The following SEMA3A variants were observed in gnomAD, a reference collection of about 807,000 sequenced individuals.
SEMA3A encodes the protein semaphorin 3A, also known as semaphorin-3A.
A neutral mutation model predicts 97.9 loss-of-function variants in SEMA3A; 29 were observed. That is an observed-to-expected ratio of 0.30 (90% CI 0.22 to 0.40). The LOEUF is 0.40. Ranked by LOEUF, SEMA3A falls within the 10% of genes least tolerant of loss-of-function variation. The probability of loss-of-function intolerance (pLI) is 1.00; values close to 1 mark genes in which losing one functional copy is unlikely to be tolerated. For synonymous variants in SEMA3A, 321 were observed against 323.7 expected (o/e 0.99, Z 0.09); for missense variants, 763 against 951.3 (o/e 0.80, Z 2.60).
At chr7:84,359,788 A>G (rs1034587738) in intron 2 of SEMA3A, among the ~76,000 whole-genome samples, 10 of 152,108 alleles carry the variant, frequency 6.6e-5, no homozygotes, top group African/African-American at 2.4e-4. Flanking sequence ...TTGCTTGGTA[A>G]GCTATTAATT....
At chr7:84,118,706 G>T (rs955093707) in intron 3 of SEMA3A, among the ~76,000 whole-genome samples, 2 of 152,176 alleles carry the variant, frequency 1.3e-5, no homozygotes, top group Middle Eastern at 3.2e-3. Context: ...GTCTTAGTTT[G>T]TGATTGTGGG....
At chr7:84,264,564 A>T (rs1054237675) in intron 3 of SEMA3A, among the ~76,000 whole-genome samples, 7 of 152,334 alleles carry the variant, frequency 4.6e-5, no homozygotes, top group African/African-American at 1.7e-4. Context: ...GTTCAGATGA[A>T]ATGCATTCAT....
At position 84,061,229 on chromosome 7, in the gene SEMA3A, C is replaced by T. The variant is rs17158549; in HGVS notation, c.454-671G>A. ...TGGAATAACAAGCACATTATTACCA[C>T]GGGAAAGCCTGCTCTGTTGGGTCCC... On this transcript the variant is annotated intron_variant, in intron 4 of 16. Coordinates refer to ENST00000265362, the MANE Select transcript of SEMA3A (RefSeq NM_006080.3). 5.0e-3 allele frequency among the ~76,000 whole-genome samples: 755 copies of T among 152,232 alleles called. 6 individuals are homozygous for T. Among genetic ancestry groups the T allele is most frequent in the African/African-American group, 0.017 (687 of 41,538 alleles).
rs145129147 is a variant in SEMA3A, at chr7:84,077,855, C to T, written c.454-17297G>A. Among the ~76,000 whole-genome samples the T allele has an allele frequency of 2.7e-3, 409 of 151,902 alleles. 2 individuals carry two copies. The highest frequency in any genetic ancestry group is 9.3e-3 in the African/African-American group (386 of 41,492). Reference sequence around the variant, plus strand: ...GAAAAGAAAAGAAAAAAAATCAAAGCAAGAAGTTCATCATGGTGAACTCAG... The same window carrying T: ...GAAAAGAAAAGAAAAAAAATCAAAGTAAGAAGTTCATCATGGTGAACTCAG... On this transcript the variant is annotated intron_variant, in intron 4 of 16. Transcript: ENST00000265362.
At chr7:84,334,964 C>G (rs528546657) in intron 2 of SEMA3A, among the ~76,000 whole-genome samples, 1 of 152,094 alleles carries the variant, frequency 6.6e-6, no homozygotes, top group African/African-American at 2.4e-5. Flanking sequence ...ATGATTTTAT[C>G]TTGACATTTT....
At chr7:84,323,201 G>A (rs546384522) in intron 2 of SEMA3A, among the ~76,000 whole-genome samples, 35 of 152,238 alleles carry the variant, frequency 2.3e-4, no homozygotes, top group African/African-American at 8.4e-4. Context: ...TCAATAGATT[G>A]ACTTTAATTA....
At chr7:83,975,386 T>G (rs1789101866) in intron 15 of SEMA3A, among the ~76,000 whole-genome samples, 1 of 152,184 alleles carries the variant, frequency 6.6e-6, no homozygotes, top group Non-Finnish European at 1.5e-5. Context: ...AATTGATTAA[T>G]TCATAATGAT....
At chr7:84,139,914 CTATT>C (rs1258106114) in intron 1 of SEMA3A, among the ~76,000 whole-genome samples, 14 of 152,018 alleles carry the variant, frequency 9.2e-5, no homozygotes, top group East Asian at 7.7e-4. Flanking sequence ...AATTTTTATT[CTATT>C]TATTTATCTA....
At chr7:84,488,349 C>CAT (rs1554395582) in intron 1 of SEMA3A, among the ~76,000 whole-genome samples, 82 of 145,550 alleles carry the variant, frequency 5.6e-4, no homozygotes, top group Middle Eastern at 3.6e-3. Context: ...CACACACACA[C>CAT]ATATATATAT....
intron 5 of SEMA3A, among the ~76,000 whole-genome samples, chr7:84,055,311 G>A (rs372345231): frequency 9.2e-5 from 14 of 152,144 alleles, no homozygotes; most frequent in African/African-American, 2.2e-4. Context: ...GCCTCGCTGC[G>A]GCCTTGCAGT....
At chr7:84,081,389 A>T (rs569392551) in intron 4 of SEMA3A, among the ~76,000 whole-genome samples, 1 of 151,990 alleles carries the variant, frequency 6.6e-6, no homozygotes, top group Non-Finnish European at 1.5e-5. Context: ...TCAGGAGATC[A>T]AGACCACCCT....
chr7:84,212,727 G>A (rs1266996328), intron 3 of SEMA3A, among the ~76,000 whole-genome samples: 1 of 152,166 alleles, frequency 6.6e-6, no homozygotes, highest in Non-Finnish European at 1.5e-5. Flanking sequence ...ATGAAACAAT[G>A]TGGTGTGGAA....
chr7:84,099,529 A>G (rs1282936792), intron 4 of SEMA3A, among the ~76,000 whole-genome samples: 1 of 152,144 alleles, frequency 6.6e-6, no homozygotes, highest in South Asian at 2.1e-4. Context: ...TTAATGTTTT[A>G]TGCACAACAT....
At chr7:84,087,322 C>T (rs1794412510) in intron 4 of SEMA3A, among the ~76,000 whole-genome samples, 2 of 152,056 alleles carry the variant, frequency 1.3e-5, no homozygotes, top group Admixed American at 6.6e-5. Flanking sequence ...GTCCCATCTG[C>T]CTGTTTAGAA....
chr7:84,064,504 T>C (rs1287093809), intron 4 of SEMA3A, among the ~76,000 whole-genome samples: 1 of 152,160 alleles, frequency 6.6e-6, no homozygotes, highest in Non-Finnish European at 1.5e-5. Flanking sequence ...GAGCCATCAG[T>C]GTGCTGTACT....
At chr7:84,455,521 T>A (rs1173718967) in intron 1 of SEMA3A, among the ~76,000 whole-genome samples, 2 of 151,942 alleles carry the variant, frequency 1.3e-5, no homozygotes, top group African/African-American at 4.8e-5. Context: ...GATAGTAACA[T>A]ATATTACATG....
At chr7:84,048,496 A>C (rs1792453333) in intron 5 of SEMA3A, among the ~76,000 whole-genome samples, 1 of 151,960 alleles carries the variant, frequency 6.6e-6, no homozygotes, top group South Asian at 2.1e-4. Flanking sequence ...AGAGTTTGTT[A>C]TTGGTCTGAG....
At chr7:84,313,074 T>C (rs1801385574) in intron 2 of SEMA3A, among the ~76,000 whole-genome samples, 2 of 144,724 alleles carry the variant, frequency 1.4e-5, no homozygotes, top group Admixed American at 1.4e-4. Context: ...ATATATACTA[T>C]ATAATATAAT....
intron 4 of SEMA3A, among the ~76,000 whole-genome samples, chr7:84,062,857 T>C (rs571491690): frequency 1.0e-5 from 1 of 99,510 alleles, no homozygotes; most frequent in East Asian, 4.2e-4. Context: ...GCGTCCGCCA[T>C]TGCCAAACTT....
Sources: allele counts gnomAD v4.1 joint callset (sites outside exome capture counted in the v4.1 genomes callset), GRCh38; gene constraint gnomAD v4.1.1; transcripts MANE v1.5; gene names NCBI Gene and HGNC (gene_info 2026-07-23, HGNC 2026-07-21).